FUCA1: variants seen among roughly 807,000 people sequenced by gnomAD.
FUCA1 encodes alpha-L-fucosidase 1, also known as tissue alpha-L-fucosidase.
Under a neutral mutation model 56.8 loss-of-function variants are expected in FUCA1, and 52 were observed. That is an observed-to-expected ratio of 0.92 (90% confidence interval 0.73 to 1.15). The LOEUF is 1.15. Ranked by LOEUF, FUCA1 falls within the 50% of genes most tolerant of loss-of-function variation. The probability of loss-of-function intolerance (pLI) is 0.00; values close to 1 mark genes in which losing one functional copy is unlikely to be tolerated. For missense variants in FUCA1, 568 were observed against 592.6 expected (o/e 0.96, Z 0.43); for synonymous variants, 230 against 226.6 (o/e 1.02, Z -0.14).
chr1:23,846,275 CTTTT>C (rs11456086), intron 6 of FUCA1, 102 bp from the exon 7 acceptor site: 11 of 668,878 alleles, frequency 1.6e-5, no homozygotes, highest in South Asian at 3.6e-5. Context: ...CTTTTCTTTT[CTTTT>C]TTTTTTTTTT....
intron 3 of FUCA1, among the ~76,000 whole-genome samples, chr1:23,861,322 C>CAA (rs34240712): frequency 0.013 from 799 of 60,154 alleles, 30 homozygotes; most frequent in African/African-American, 0.033. Flanking sequence ...GACTCCGTCT[C>CAA]AAAAAAAAAA....
chr1:23,845,852 T>C lies in FUCA1; in HGVS notation c.1264A>G (p.Thr422Ala). The change falls in exon 8 of 8, where the codon ACA becomes GCA. Residue 422 changes from threonine to alanine, a missense_variant. Physicochemically the swap from Thr to Ala is moderately conservative, Grantham distance 58. Transcript: ENST00000374479. ...AGATCTCCTTGAATTCCCAGCATTGTTATCTGCAGAAAACAAAAGGGAATG... is the reference window on the plus strand; with the variant it reads ...AGATCTCCTTGAATTCCCAGCATTGCTATCTGCAGAAAACAAAAGGGAATG... Reference protein sequence around the residue: ...SPITTSTTKITMLGIQGDLKW... With the variant: ...SPITTSTTKIAMLGIQGDLKW... The C allele has an allele frequency of 6.2e-7, 1 of 1,614,092 alleles. No homozygotes were observed. Among genetic ancestry groups the C allele is most frequent in the Non-Finnish European group, 8.5e-7 (1 of 1,180,006 alleles).
Position 23,859,923 on chromosome 1 carries a change from G to A in FUCA1, c.663-20C>T. The A allele has an allele frequency of 3.4e-6, 5 of 1,484,504 alleles. No homozygotes were observed. The East Asian group carries it at 6.8e-5, about 20-fold the overall frequency. 92.0% of individuals were successfully genotyped at this position (1,484,504 alleles called of 1,614,324 possible). A position where few individuals can be genotyped will look rare whatever the true frequency, so the allele number is the denominator to read the frequency against. On this transcript the variant is annotated intron_variant, in intron 3 of 7. Coordinates refer to ENST00000374479, the MANE Select transcript of FUCA1 (RefSeq NM_000147.5). ...TTATAGCTGGAAGACATGTGATCAG[G>A]ACAGAGCTTATTATCTGAACATGTT...
intron 4 of FUCA1, among the ~76,000 whole-genome samples, chr1:23,858,726 G>A (rs577263179): frequency 1.3e-5 from 2 of 152,232 alleles, no homozygotes; most frequent in East Asian, 1.9e-4. Context: ...TAATTTTGTA[G>A]GTTTTGTGTA....
Position 23,854,480 on chromosome 1 carries a change from G to A in FUCA1, c.849C>T (p.Phe283=), listed in dbSNP as rs754452752. ...HGGYYNCEDK[F]KPQSLPDHKW... ...TGTGATCTGGCAAGCTCTGTGGCTT[G>A]AATTTATCTTCACAGTTATAGTATC... The change falls in exon 5 of 8, where the codon TTC becomes TTT. Residue 283 remains phenylalanine, a synonymous_variant. Coordinates refer to ENST00000374479, the MANE Select transcript of FUCA1 (RefSeq NM_000147.5). The A allele has an allele frequency of 6.2e-7, 1 of 1,614,086 alleles. No homozygotes were observed.
At chr1:23,846,275 C>CTT (rs11456086) in intron 6 of FUCA1, 102 bp from the exon 7 acceptor site, 14,872 of 659,584 alleles carry the variant, frequency 0.023, 1 homozygote, top group East Asian at 0.029. Flanking sequence ...CTTTTCTTTT[C>CTT]TTTTTTTTTT....
chr1:23,858,057 C>T (rs998651357), intron 4 of FUCA1, among the ~76,000 whole-genome samples: 5 of 151,180 alleles, frequency 3.3e-5, no homozygotes, highest in Non-Finnish European at 7.4e-5. Context: ...AATAGAGACC[C>T]AATGAGACCC....
intron 5 of FUCA1, among the ~76,000 whole-genome samples, chr1:23,850,332 AGAAT>A (rs1236074811): frequency 1.3e-5 from 2 of 148,870 alleles, no homozygotes; most frequent in Non-Finnish European, 3.0e-5. Context: ...AAAAAAAAAA[AGAAT>A]TAAAGAATTC....
At chr1:23,853,290 G>A (rs1423164694) in intron 5 of FUCA1, among the ~76,000 whole-genome samples, 4 of 151,058 alleles carry the variant, frequency 2.6e-5, no homozygotes, top group African/African-American at 4.9e-5. Flanking sequence ...CAGCCACCCC[G>A]TCTGGTAAGT....
intron 5 of FUCA1, among the ~76,000 whole-genome samples, chr1:23,852,441 TC>T (rs1639281265): frequency 1.4e-5 from 2 of 144,726 alleles, no homozygotes; most frequent in East Asian, 4.3e-4. Flanking sequence ...AACAAAAAAC[TC>T]CCCTCTCCCT....
chr1:23,864,853 C>T (rs1042095007), intron 2 of FUCA1, among the ~76,000 whole-genome samples: 4 of 151,870 alleles, frequency 2.6e-5, no homozygotes, highest in South Asian at 2.1e-4. Flanking sequence ...TACAGGCAAA[C>T]GCCACCACGC....
intron 6 of FUCA1, 95 bp from the exon 7 acceptor site, chr1:23,846,268 T>C (rs2148437267): frequency 2.3e-6 from 2 of 877,002 alleles, no homozygotes; most frequent in East Asian, 2.6e-5. Flanking sequence ...TAATTTTCTT[T>C]TCTTTTCTTT....
chr1:23,845,833 C>G lies in FUCA1; in HGVS notation c.1283G>C (p.Gly428Ala). ...TGGATCTGTGGACCACTTCAGATCT[C>G]CTTGAATTCCCAGCATTGTTATCTG... ...TTKITMLGIQGDLKWSTDPDK... is the reference protein window; with the variant it reads ...TTKITMLGIQADLKWSTDPDK... Residue 428 changes from glycine (G) to alanine (A), a missense_variant, in exon 8 of 8, where the codon GGA (glycine) becomes GCA (alanine). Physicochemically the swap from Gly to Ala is moderately conservative, Grantham distance 60. Coordinates refer to ENST00000374479, the MANE Select transcript of FUCA1 (RefSeq NM_000147.5). 6.2e-7 allele frequency: 1 copy of G among 1,614,106 alleles called. No homozygotes were observed. The highest frequency in any genetic ancestry group is 8.5e-7 in the Non-Finnish European group (1 of 1,179,980).
At chr1:23,847,869 A>C (rs1328154258) in intron 6 of FUCA1, among the ~76,000 whole-genome samples, 1 of 152,146 alleles carries the variant, frequency 6.6e-6, no homozygotes, top group East Asian at 1.9e-4. Context: ...TAAAAATGCA[A>C]AAATTAGCTG....
In FUCA1 at chr1:23,854,434, T is replaced by C. The variant is rs767718170; in HGVS notation, c.895A>G (p.Ile299Val). 6.2e-7 allele frequency: 1 copy of C among 1,614,178 alleles called. No individual in the cohort carries two copies. The highest frequency in any genetic ancestry group is 1.1e-5 in the South Asian group (1 of 91,086). Residue 299 changes from isoleucine (I) to valine (V), a missense_variant, in exon 5 of 8, where the codon ATT becomes GTT. Ile to Val is a conservative substitution (Grantham distance 29). Transcript: ENST00000374479. ...PDHKWEMCTSIDKFSWGYRRD... is the reference protein window; with the variant it reads ...PDHKWEMCTSVDKFSWGYRRD... ...CGATAGCCCCAGGAAAACTTGTCAATGCTGGTGCACATCTCCCACTTGTGA... is the reference window on the plus strand; with the variant it reads ...CGATAGCCCCAGGAAAACTTGTCAACGCTGGTGCACATCTCCCACTTGTGA...
intron 5 of FUCA1, among the ~76,000 whole-genome samples, chr1:23,853,390 TGG>T (rs1296455718): frequency 7.4e-6 from 1 of 135,480 alleles, no homozygotes; most frequent in Non-Finnish European, 1.6e-5. Flanking sequence ...GGGAGGGAGG[TGG>T]GGGGGTCAGC....
At chr1:23,850,421 C>T (rs895029825) in intron 5 of FUCA1, among the ~76,000 whole-genome samples, 1 of 151,488 alleles carries the variant, frequency 6.6e-6, no homozygotes, top group African/African-American at 2.4e-5. Context: ...AGTCTTTTTC[C>T]TATGTAGTTA....
At chr1:23,848,106 A>C (rs1487046506) in intron 6 of FUCA1, among the ~76,000 whole-genome samples, 2 of 152,142 alleles carry the variant, frequency 1.3e-5, no homozygotes, top group African/African-American at 4.8e-5. Context: ...CACTAAACAG[A>C]AACTCATCCA....
Position 23,854,439 on chromosome 1 carries a change from G to T in FUCA1, c.890C>A (p.Thr297Asn), listed in dbSNP as rs775609474. ...GCCCCAGGAAAACTTGTCAATGCTGGTGCACATCTCCCACTTGTGATCTGG... is the reference window on the plus strand; with the variant it reads ...GCCCCAGGAAAACTTGTCAATGCTGTTGCACATCTCCCACTTGTGATCTGG... Reference protein sequence around the residue: ...SLPDHKWEMCTSIDKFSWGYR... With the variant: ...SLPDHKWEMCNSIDKFSWGYR... Residue 297 changes from threonine to asparagine, a missense_variant, in exon 5 of 8, where the codon ACC (threonine) becomes AAC (asparagine). Thr to Asn is a moderately conservative substitution (Grantham distance 65). Coordinates refer to ENST00000374479, the MANE Select transcript of FUCA1 (RefSeq NM_000147.5). 6.2e-7 allele frequency: 1 copy of T among 1,614,118 alleles called. No individual in the cohort carries two copies. The highest frequency in any genetic ancestry group is 1.1e-5 in the South Asian group (1 of 91,086).
Sources: gnomAD v4.1 joint callset for allele counts (sites outside exome capture counted in the v4.1 genomes callset) on GRCh38, gnomAD v4.1.1 for gene constraint, MANE v1.5 for transcripts, NCBI Gene and HGNC (gene_info 2026-07-23, HGNC 2026-07-21) for gene names.